Variants in GMDS observed in about 807,000 individuals in gnomAD.
The protein encoded by GMDS is GDP-mannose 4,6-dehydratase, also known as GDP-mannose 4,6 dehydratase.
A neutral mutation model predicts 49.9 loss-of-function variants in GMDS; 20 were observed. That is an observed-to-expected ratio of 0.40 (90% confidence interval 0.28 to 0.58). The LOEUF (loss-of-function observed/expected upper bound fraction) is 0.58. Among genes scored for constraint, GMDS ranks in the 20% least tolerant of loss-of-function variants. GMDS has a pLI of 0.42. For synonymous variants in GMDS, 177 were observed against 178.6 expected, an observed-to-expected ratio of 0.99 and a Z score of 0.07; for missense variants, 362 against 481.4, an observed-to-expected ratio of 0.75 and a Z score of 2.32.
rs138245004 is a variant in GMDS at position 2,004,750 on chromosome 6, C to A, written c.346-43784G>T. ...TTCCCAAAATTGTGTGAGGAGACAG[C>A]AGAAGTGATCAAAATAAGGATTGTG... On this transcript the variant is annotated intron_variant, in intron 4 of 10. Transcript: ENST00000380815. Among the ~76,000 whole-genome samples, 374 of 152,182 alleles carry A rather than the reference C, an allele frequency of 2.5e-3. 1 individual carries two copies. Among genetic ancestry groups the A allele is most frequent in the African/African-American group, 8.7e-3 (362 of 41,540 alleles).
chr6:1,883,389 CA>C (rs1240869998), intron 7 of GMDS, among the ~76,000 whole-genome samples: 1 of 150,750 alleles, frequency 6.6e-6, no homozygotes, highest in Admixed American at 6.6e-5. Flanking sequence ...GACTCCATCT[CA>C]AAAAAAATAA....
chr6:1,913,579 GA>G (rs1402515974), intron 7 of GMDS, among the ~76,000 whole-genome samples: 1 of 151,956 alleles, frequency 6.6e-6, no homozygotes, highest in Non-Finnish European at 1.5e-5. Flanking sequence ...CAGTCACAGG[GA>G]AAAAAAGGCT....
chr6:1,963,205 C>T (rs2127300949), intron 4 of GMDS, among the ~76,000 whole-genome samples: 1 of 151,604 alleles, frequency 6.6e-6, no homozygotes, highest in South Asian at 2.1e-4. Context: ...AAGACAGGGT[C>T]TCACTATGTT....
intron 7 of GMDS, among the ~76,000 whole-genome samples, chr6:1,832,060 C>T (rs925999943): frequency 6.6e-6 from 1 of 151,944 alleles, no homozygotes; most frequent in South Asian, 2.1e-4. Flanking sequence ...AGGTAGGGTA[C>T]AGAATTAAAA....
rs780354817 is a variant in GMDS, at chr6:2,115,810, G to T, written c.306C>A (p.Pro102=). 1 of 1,607,542 alleles carries T rather than the reference G, an allele frequency of 6.2e-7. No individual in the cohort carries two copies. The highest frequency in any genetic ancestry group is 1.1e-5 in the South Asian group (1 of 90,902). The change falls in exon 4 of 11, where the codon CCC becomes CCA. Residue 102 remains proline, a synonymous_variant. Transcript: ENST00000380815. ...CLVKIINEVK[P]TEIYNLGAQS... The stretch of plus-strand genomic sequence containing the variant: ...GGGCTCCAAGGTTGTAGATCTCTGT[G>T]GGCTTTACTTCATTAATGATCTTCA...
intron 9 of GMDS, among the ~76,000 whole-genome samples, chr6:1,633,770 G>C (rs934229278): frequency 1.3e-5 from 2 of 152,166 alleles, no homozygotes; most frequent in African/African-American, 4.8e-5. Context: ...GAGGCTGGGA[G>C]GGACACAGAG....
chr6:2,085,778 T>A (rs762447798), intron 4 of GMDS, among the ~76,000 whole-genome samples: 132 of 152,264 alleles, frequency 8.7e-4, no homozygotes, highest in Non-Finnish European at 1.1e-3. Flanking sequence ...TCCACCTGCC[T>A]CGGCTTCCCA....
chr6:1,646,720 G>C (rs1763496364), intron 9 of GMDS, among the ~76,000 whole-genome samples: 2 of 152,048 alleles, frequency 1.3e-5, no homozygotes, highest in Admixed American at 1.3e-4. Context: ...TCCTTTTCCA[G>C]GTTTATTTCC....
intron 1 of GMDS, among the ~76,000 whole-genome samples, chr6:2,145,538 AAAATAAAT>A (rs36139025): frequency 3.6e-4 from 53 of 148,438 alleles, no homozygotes; most frequent in African/African-American, 1.2e-3. Flanking sequence ...ACTCTGTCTC[AAAATAAAT>A]AAATAAATAA....
intron 4 of GMDS, among the ~76,000 whole-genome samples, chr6:2,074,338 C>T (rs1772192032): frequency 6.6e-6 from 1 of 152,154 alleles, no homozygotes; most frequent in East Asian, 1.9e-4. Flanking sequence ...CATTTATGGG[C>T]TTTGCCTACT....
At chr6:1,844,410 C>T (rs1006620115) in intron 7 of GMDS, among the ~76,000 whole-genome samples, 1 of 152,154 alleles carries the variant, frequency 6.6e-6, no homozygotes, top group Non-Finnish European at 1.5e-5. Flanking sequence ...TTACAGCAAA[C>T]CTACCTCAAA....
intron 4 of GMDS, among the ~76,000 whole-genome samples, chr6:2,042,135 G>A (rs185498434): frequency 2.1e-4 from 32 of 152,162 alleles, no homozygotes; most frequent in Admixed American, 2.1e-3. Flanking sequence ...AGGCAGTAAA[G>A]AAAAACATTT....
At chr6:1,720,626 G>C (rs554086982) in intron 9 of GMDS, among the ~76,000 whole-genome samples, 9 of 152,326 alleles carry the variant, frequency 5.9e-5, no homozygotes, top group Non-Finnish European at 1.2e-4. Context: ...ATATTAAAAT[G>C]GGAAGGGACC....
chr6:1,944,667 CT>C (rs1762986189), intron 6 of GMDS, among the ~76,000 whole-genome samples: 1 of 63,490 alleles, frequency 1.6e-5, no homozygotes, highest in African/African-American at 7.4e-5. Flanking sequence ...GAGACTCCGT[CT>C]CAAAAAAAAA....
chr6:2,048,393 T>C (rs531519739), intron 4 of GMDS, among the ~76,000 whole-genome samples: 1 of 152,338 alleles, frequency 6.6e-6, no homozygotes, highest in Admixed American at 6.5e-5. Flanking sequence ...TCCACTGGTC[T>C]ATATGTTACT....
At chr6:2,000,122 C>T (rs1295481147) in intron 4 of GMDS, among the ~76,000 whole-genome samples, 1 of 130,968 alleles carries the variant, frequency 7.6e-6, no homozygotes, top group Non-Finnish European at 1.6e-5. Context: ...GCAAGCTCCA[C>T]TTCCCAGGTT....
intron 6 of GMDS, among the ~76,000 whole-genome samples, chr6:1,931,345 T>C (rs1488710133): frequency 6.6e-6 from 1 of 152,254 alleles, no homozygotes; most frequent in Non-Finnish European, 1.5e-5. Flanking sequence ...GGCAAGAACG[T>C]GGCTTAGCGC....
chr6:1,789,509 A>C (rs1032448358), intron 7 of GMDS, among the ~76,000 whole-genome samples: 6 of 148,332 alleles, frequency 4.0e-5, no homozygotes, highest in African/African-American at 1.5e-4. Context: ...TTGACAAAAA[A>C]TTATTTTTTC....
chr6:1,992,053 T>C lies in GMDS; in HGVS notation c.346-31087A>G, dbSNP rs182944850. 3.9e-5 allele frequency among the ~76,000 whole-genome samples: 6 copies of C among 152,326 alleles called. No individual in the cohort carries two copies. In the East Asian group the frequency reaches 1.2e-3, roughly 29 times the overall value. On this transcript the variant is annotated intron_variant, in intron 4 of 10. Transcript: ENST00000380815. ...GAGCACAGCCCTGCTGACACCTTAG[T>C]TTTGGACATTAGCCTCCAGAATGGT...
Sources: gnomAD v4.1 joint callset for allele counts (sites outside exome capture counted in the v4.1 genomes callset) on GRCh38, gnomAD v4.1.1 for gene constraint, MANE v1.5 for transcripts, NCBI Gene and HGNC (gene_info 2026-07-23, HGNC 2026-07-21) for gene names.